DSG4: variants seen among roughly 807,000 people sequenced by gnomAD.
The protein encoded by DSG4 is desmoglein-4.
DSG4 carries 87 observed loss-of-function variants against 93.1 expected under a neutral mutation model. The ratio of observed to expected loss-of-function variants is 0.93; its 90% CI spans 0.79 to 1.12. The LOEUF (loss-of-function observed/expected upper bound fraction) is 1.12. Among genes scored for constraint, DSG4 ranks in the 50% most tolerant of loss-of-function variants. The pLI, the probability that DSG4 is intolerant of heterozygous loss-of-function variation, is 0.00. For synonymous variants in DSG4, 432 were observed against 452.9 expected, an observed-to-expected ratio of 0.95 and a Z score of 0.59; for missense variants, 1,373 against 1,285.7, an observed-to-expected ratio of 1.07 and a Z score of -1.04.
chr18:31,406,422 C>T (rs1165826507), intron 12 of DSG4, 49 bp downstream of exon 12: 2 of 1,609,812 alleles, frequency 1.2e-6, no homozygotes, highest in Non-Finnish European at 1.7e-6. Flanking sequence ...CAAAATAGGG[C>T]TGTTACGAGG....
At chr18:31,383,421 C>T (rs1394275372) in intron 1 of DSG4, among the ~76,000 whole-genome samples, 2 of 152,078 alleles carry the variant, frequency 1.3e-5, no homozygotes, top group East Asian at 1.9e-4. Context: ...AATTGGGACA[C>T]GTATTTTGCT....
At chr18:31,404,936 T>C (rs1209012017) in intron 11 of DSG4, among the ~76,000 whole-genome samples, 1 of 152,178 alleles carries the variant, frequency 6.6e-6, no homozygotes, top group African/African-American at 2.4e-5. Context: ...GGTTTGCCAA[T>C]AAAAAATATA....
Position 31,411,373 on chromosome 18 carries a change from C to T in DSG4, c.2280C>T (p.Ser760=). 6.2e-7 allele frequency: 1 copy of T among 1,614,126 alleles called. No homozygotes were observed. The highest frequency in any genetic ancestry group is 1.1e-5 in the South Asian group (1 of 91,072). The change falls in exon 15 of 16, where the codon AGC becomes AGT. Residue 760 remains serine, a synonymous_variant. Transcript: ENST00000308128. ...CCTCAGGGGCCGCAAGGAAGAGGAG[C>T]TCTACCATGGGAACCCTGCGGGACT... is the stretch of plus-strand genomic sequence containing the variant. ...AGASGAARKR[S]STMGTLRDYA...
chr18:31,410,284 T>C (rs978966378), intron 14 of DSG4, among the ~76,000 whole-genome samples: 5 of 151,994 alleles, frequency 3.3e-5, no homozygotes, highest in African/African-American at 9.7e-5. Flanking sequence ...ATTGAGCTTA[T>C]GATAGTACCT....
chr18:31,387,960 G>A (rs1365640247), intron 3 of DSG4, among the ~76,000 whole-genome samples: 2 of 152,016 alleles, frequency 1.3e-5, no homozygotes, highest in African/African-American at 4.8e-5. Flanking sequence ...CTACCATTTT[G>A]ACTAAATCTC....
rs747598460 is a variant in DSG4, at chr18:31,406,381, C to G, written c.1933+8C>G. ...GCATCCTGCTACTGATTTGTAAGTA[C>G]TCAATTAAATCCTTCTTTTCAATAG... is the stretch of plus-strand genomic sequence containing the variant. On this transcript the variant is annotated splice_region_variant and intron_variant, in intron 12 of 15. Coordinates refer to ENST00000308128, the MANE Select transcript of DSG4 (RefSeq NM_177986.5). The G allele has an allele frequency of 6.2e-7, 1 of 1,614,080 alleles. No homozygotes were observed. The highest frequency in any genetic ancestry group is 8.5e-7 in the Non-Finnish European group (1 of 1,180,024).
At chr18:31,381,083 C>T (rs1327243960) in intron 1 of DSG4, among the ~76,000 whole-genome samples, 1 of 152,152 alleles carries the variant, frequency 6.6e-6, no homozygotes, top group Non-Finnish European at 1.5e-5. Context: ...AGAACAGTGT[C>T]TGTCACATGC....
At chr18:31,389,757 TG>T (rs1248731058) in intron 5 of DSG4, among the ~76,000 whole-genome samples, 1 of 152,030 alleles carries the variant, frequency 6.6e-6, no homozygotes, top group East Asian at 1.9e-4. Context: ...TAAACAAATT[TG>T]GGGGGAAATA....
intron 7 of DSG4, among the ~76,000 whole-genome samples, chr18:31,391,695 C>A (rs1246498348): frequency 6.6e-6 from 1 of 151,538 alleles, no homozygotes; most frequent in Admixed American, 6.6e-5. Flanking sequence ...AAACAAAAAA[C>A]GTGTTATTGG....
chr18:31,381,077 C>G (rs190170971), intron 1 of DSG4, among the ~76,000 whole-genome samples: 1 of 152,260 alleles, frequency 6.6e-6, no homozygotes, highest in African/African-American at 2.4e-5. Flanking sequence ...ACATAGAGAA[C>G]AGTGTCTGTC....
At chr18:31,394,370 G>A (rs1308344772) in intron 8 of DSG4, among the ~76,000 whole-genome samples, 1 of 152,146 alleles carries the variant, frequency 6.6e-6, no homozygotes, top group African/African-American at 2.4e-5. Context: ...CTGAAGTCGG[G>A]AGTTTGAGAC....
At chr18:31,381,052 C>T (rs1227643574) in intron 1 of DSG4, among the ~76,000 whole-genome samples, 1 of 152,088 alleles carries the variant, frequency 6.6e-6, no homozygotes. Flanking sequence ...TATTACAGGT[C>T]GAAACTTGTC....
chr18:31,388,932 G>A lies in DSG4; in HGVS notation c.431G>A (p.Arg144Lys), dbSNP rs1279794999. ...GEDLERPLEL[R>K]VKVMDINDNA... ...GATTTAGAAAGGCCTCTTGAGCTTAGAGTCAAAGTTATGGACATAAATGAT... is the reference window on the plus strand; with the variant it reads ...GATTTAGAAAGGCCTCTTGAGCTTAAAGTCAAAGTTATGGACATAAATGAT... The change falls in exon 5 of 16, where the codon AGA (arginine) becomes AAA (lysine). Residue 144 changes from arginine to lysine, a missense_variant. By Grantham distance (26) the Arg-to-Lys change is conservative. Transcript: ENST00000308128. 1 of 1,613,512 alleles carries A rather than the reference G, an allele frequency of 6.2e-7. No homozygotes were observed. Among genetic ancestry groups the A allele is most frequent in the East Asian group, 2.2e-5 (1 of 44,856 alleles).
chr18:31,389,812 A>T (rs2072228747), intron 5 of DSG4, among the ~76,000 whole-genome samples: 1 of 151,782 alleles, frequency 6.6e-6, no homozygotes, highest in African/African-American at 2.4e-5. Flanking sequence ...TAAACACAAA[A>T]TTTTTTTTTG....
Position 31,376,857 on chromosome 18 carries a change from G to T in DSG4, c.-55G>T. The T allele has an allele frequency of 6.2e-7, 1 of 1,603,816 alleles. No homozygotes were observed. Among genetic ancestry groups the T allele is most frequent in the East Asian group, 2.2e-5 (1 of 44,738 alleles). ...GTAGAGCAGAATTCGGAACTGAGAA[G>T]ACGAGGGCTCAAATTGAATCTCACA... On this transcript the variant is annotated 5_prime_UTR_variant, in exon 1 of 16. Transcript: ENST00000308128.
intron 1 of DSG4, among the ~76,000 whole-genome samples, chr18:31,381,390 A>C (rs371072805): frequency 1.3e-5 from 2 of 152,148 alleles, no homozygotes; most frequent in African/African-American, 2.4e-5. Context: ...ATTAAAAAAA[A>C]AAATGTTCAT....
intron 10 of DSG4, 59 bp from the exon 11 acceptor site, chr18:31,403,353 TATGA>T: frequency 7.6e-7 from 1 of 1,318,252 alleles, no homozygotes; most frequent in Non-Finnish European, 1.1e-6. Context: ...CATCAGGGGA[TATGA>T]GAAAGAGTTT....
intron 13 of DSG4, 42 bp downstream of exon 13, chr18:31,409,633 T>A (rs201512820): frequency 1.2e-6 from 2 of 1,614,210 alleles, no homozygotes; most frequent in Non-Finnish European, 8.5e-7. Flanking sequence ...GGAGTTTCAG[T>A]GGAAATTGAG....
intron 1 of DSG4, among the ~76,000 whole-genome samples, chr18:31,384,397 A>C: frequency 6.6e-6 from 1 of 152,276 alleles, no homozygotes; most frequent in East Asian, 1.9e-4. Context: ...TTCTATTCAT[A>C]TGTATATTTC....
Sources: allele counts gnomAD v4.1 joint callset (sites outside exome capture counted in the v4.1 genomes callset), GRCh38; gene constraint gnomAD v4.1.1; transcripts MANE v1.5; gene names NCBI Gene and HGNC (gene_info 2026-07-23, HGNC 2026-07-21).